Variants in EXOC6 observed in about 807,000 individuals in gnomAD.
EXOC6 encodes the protein exocyst complex component 6.
In EXOC6, 60 loss-of-function variants were observed where a neutral mutation model predicts 112.5. The observed-to-expected ratio is 0.53, with a 90% CI of 0.43 to 0.66. The LOEUF is 0.66. Among genes scored for constraint, EXOC6 ranks in the 30% least tolerant of loss-of-function variants. The pLI is 0.00. For missense variants in EXOC6, 855 were observed against 957.1 expected (o/e 0.89, Z 1.41); for synonymous variants, 295 against 308.0 (o/e 0.96, Z 0.44).
At chr10:93,038,711 C>G (rs903984567) in intron 20 of EXOC6, among the ~76,000 whole-genome samples, 4 of 152,112 alleles carry the variant, frequency 2.6e-5, no homozygotes, top group African/African-American at 9.7e-5. Flanking sequence ...AGACACAGTT[C>G]TTAAACTTTT....
chr10:92,860,094 A>C (rs1351832631), intron 1 of EXOC6, among the ~76,000 whole-genome samples: 1 of 152,122 alleles, frequency 6.6e-6, no homozygotes, highest in Non-Finnish European at 1.5e-5. Flanking sequence ...TTGACTTTTT[A>C]GTGGATTAAA....
At chr10:92,997,433 G>A in intron 18 of EXOC6, 41 bp from the exon 19 acceptor site, 1 of 1,566,692 alleles carries the variant, frequency 6.4e-7, no homozygotes, top group Non-Finnish European at 8.7e-7. Flanking sequence ...ATTTCTATGT[G>A]TGTTTATTTG....
intron 17 of EXOC6, among the ~76,000 whole-genome samples, chr10:92,958,235 A>G (rs186029368): frequency 6.6e-6 from 1 of 152,352 alleles, no homozygotes; most frequent in East Asian, 1.9e-4. Context: ...TAAAGCTAAT[A>G]TAAGTCTTCT....
At position 92,884,350 on chromosome 10, in the gene EXOC6, G is replaced by T. The variant is rs73315358; in HGVS notation, c.102-8999G>T. Among the ~76,000 whole-genome samples, 750 of 152,218 alleles carry T rather than the reference G, an allele frequency of 4.9e-3. 4 individuals are homozygous for T. Among genetic ancestry groups the T allele is most frequent in the African/African-American group, 0.017 (720 of 41,556 alleles). ...GAAGTCCATTTTCTTGCTAGTTTTT[G>T]TTTTTTCTTAAAAGCAGTTGATTGA... is the stretch of plus-strand genomic sequence containing the variant. On this transcript the variant is annotated intron_variant, in intron 1 of 21. Transcript: ENST00000260762.
At chr10:92,946,711 G>T (rs965429628) in intron 13 of EXOC6, among the ~76,000 whole-genome samples, 11 of 151,934 alleles carry the variant, frequency 7.2e-5, no homozygotes, top group Non-Finnish European at 1.5e-4. Context: ...ACTACTTGTG[G>T]TTTTACACCC....
At chr10:92,880,233 C>T (rs576452373) in intron 1 of EXOC6, among the ~76,000 whole-genome samples, 39 of 152,204 alleles carry the variant, frequency 2.6e-4, no homozygotes, top group South Asian at 1.2e-3. Flanking sequence ...CTCTAGATTA[C>T]GTATAATACC....
intron 19 of EXOC6, among the ~76,000 whole-genome samples, chr10:93,004,559 G>A (rs1205424391): frequency 6.6e-6 from 1 of 152,012 alleles, no homozygotes; most frequent in South Asian, 2.1e-4. Flanking sequence ...TTATCTTTCT[G>A]AGCTAAGTAG....
intron 20 of EXOC6, among the ~76,000 whole-genome samples, chr10:93,017,733 T>C (rs9420603): frequency 0.13 from 19,716 of 152,050 alleles, 1,436 homozygotes; most frequent in African/African-American, 0.18. Context: ...AATAAAAGGC[T>C]GGGCGTGGTG....
chr10:92,870,201 G>A lies in EXOC6; in HGVS notation c.101+21567G>A, dbSNP rs187336819. On this transcript the variant is annotated intron_variant, in intron 1 of 21. Coordinates refer to ENST00000260762, the MANE Select transcript of EXOC6 (RefSeq NM_019053.6). ...ACTCCTGACCTCAGTTGATCCGCCC[G>A]CCTCAGCTTCCCAAAGTGCTGGGAT... 6.6e-5 allele frequency among the ~76,000 whole-genome samples: 10 copies of A among 151,986 alleles called. 1 individual carries two copies. Among genetic ancestry groups the A allele is most frequent in the Admixed American group, 6.6e-4 (10 of 15,264 alleles).
intron 17 of EXOC6, among the ~76,000 whole-genome samples, chr10:92,969,311 A>C (rs1227210332): frequency 6.6e-6 from 1 of 152,178 alleles, no homozygotes; most frequent in Non-Finnish European, 1.5e-5. Context: ...TGCCAGACAT[A>C]TGAGTGAGGA....
rs552716523 is a variant in EXOC6 at position 92,966,611 on chromosome 10, C to A, written c.1774-7442C>A. ...CTTTCATCCATGTCCCTACAAAGGA[C>A]ATGAACTCATCATTTTTTATGGCTG... On this transcript the variant is annotated intron_variant, in intron 17 of 21. Coordinates refer to ENST00000260762, the MANE Select transcript of EXOC6 (RefSeq NM_019053.6). 2.0e-4 allele frequency among the ~76,000 whole-genome samples: 31 copies of A among 151,494 alleles called. 1 individual carries two copies. In the East Asian group the frequency reaches 5.9e-3, roughly 29 times the overall value.
chr10:92,992,312 AT>A (rs1843301048), intron 18 of EXOC6, among the ~76,000 whole-genome samples: 1 of 150,468 alleles, frequency 6.6e-6, no homozygotes, highest in Non-Finnish European at 1.5e-5. Flanking sequence ...AAAAAAAAAA[AT>A]TTGTCTTCAA....
chr10:92,894,805 T>G lies in EXOC6; in HGVS notation c.285T>G (p.Thr95=), dbSNP rs1430059798. ...TDAEKLKVQV[T]DTNRRFQDAG... is the part of the protein sequence containing the mutation. ...ATTAAATTTTTAAGGTGCAAGTTACTGATACCAACCGAAGGTTTCAAGATG... is the reference window on the plus strand; with the variant it reads ...ATTAAATTTTTAAGGTGCAAGTTACGGATACCAACCGAAGGTTTCAAGATG... The change falls in exon 3 of 22, where the codon ACT becomes ACG. Residue 95 remains threonine (T), a synonymous_variant. Transcript: ENST00000260762. The G allele has an allele frequency of 6.2e-7, 1 of 1,613,528 alleles. No homozygotes were observed. Among genetic ancestry groups the G allele is most frequent in the Non-Finnish European group, 8.5e-7 (1 of 1,179,664 alleles).
At position 92,867,684 on chromosome 10, in the gene EXOC6, A is replaced by T. The variant is rs572269295; in HGVS notation, c.101+19050A>T. Among the ~76,000 whole-genome samples the T allele has an allele frequency of 2.0e-5, 3 of 152,318 alleles. No homozygotes were observed. The South Asian group carries it at 6.3e-4, about 32-fold the overall frequency. On this transcript the variant is annotated intron_variant, in intron 1 of 21. Coordinates refer to ENST00000260762, the MANE Select transcript of EXOC6 (RefSeq NM_019053.6). ...ATGTGCCAAAGATTGTATTTAACTTATTAAGAGGGAATCAGTATGATGTTA... is the reference window on the plus strand; with the variant it reads ...ATGTGCCAAAGATTGTATTTAACTTTTTAAGAGGGAATCAGTATGATGTTA...
intron 9 of EXOC6, among the ~76,000 whole-genome samples, chr10:92,930,735 A>T (rs942570383): frequency 6.6e-6 from 1 of 152,152 alleles, no homozygotes; most frequent in Non-Finnish European, 1.5e-5. Flanking sequence ...GTATTTTCCT[A>T]TGTGAGTTAC....
At chr10:93,035,534 T>C (rs564399030) in intron 20 of EXOC6, among the ~76,000 whole-genome samples, 2 of 152,298 alleles carry the variant, frequency 1.3e-5, no homozygotes, top group South Asian at 4.2e-4. Context: ...GTGCTAACGT[T>C]TTACATAGCT....
At chr10:92,844,060 G>A (rs1417168477), upstream of EXOC6, among the ~76,000 whole-genome samples, 1 of 150,576 alleles carries the variant, frequency 6.6e-6, no homozygotes, top group African/African-American at 2.4e-5. Flanking sequence ...CTGAGGCAGG[G>A]GAATCACTTG....
At chr10:93,053,357 T>A (rs1246317108) in intron 20 of EXOC6, among the ~76,000 whole-genome samples, 1 of 152,238 alleles carries the variant, frequency 6.6e-6, no homozygotes, top group Non-Finnish European at 1.5e-5. Flanking sequence ...GTTTTTTGTT[T>A]TATCCTTCAC....
chr10:92,902,524 A>T (rs1850234125), intron 5 of EXOC6, among the ~76,000 whole-genome samples: 1 of 150,712 alleles, frequency 6.6e-6, no homozygotes, highest in Non-Finnish European at 1.5e-5. Flanking sequence ...TGATCTCCAA[A>T]TTTTTTTTTC....
Sources: allele counts gnomAD v4.1 joint callset (sites outside exome capture counted in the v4.1 genomes callset), GRCh38; gene constraint gnomAD v4.1.1; transcripts MANE v1.5; gene names NCBI Gene and HGNC (gene_info 2026-07-23, HGNC 2026-07-21).